The following PAFAH1B2 variants were observed in gnomAD, a reference collection of about 807,000 sequenced individuals.
PAFAH1B2 encodes platelet-activating factor acetylhydrolase IB subunit alpha2.
In PAFAH1B2, 8 loss-of-function variants were observed where a neutral mutation model predicts 28.0. That is an observed-to-expected ratio of 0.29 (90% confidence interval 0.17 to 0.52). PAFAH1B2 has a LOEUF of 0.52. PAFAH1B2 is among the 20% of genes least tolerant of loss of function. PAFAH1B2 has a pLI of 0.97. For synonymous variants in PAFAH1B2, 104 were observed against 103.2 expected (o/e 1.01, Z -0.05); for missense variants, 190 against 282.6 (o/e 0.67, Z 2.35).
downstream of PAFAH1B2, among the ~76,000 whole-genome samples, chr11:117,173,983 C>T (rs1481646260): frequency 6.6e-6 from 1 of 151,934 alleles, no homozygotes; most frequent in Non-Finnish European, 1.5e-5. Context: ...GGTTTTGAAT[C>T]TTTTTTTTCT....
At chr11:117,158,187 A>G (rs1286015465) in intron 2 of PAFAH1B2, among the ~76,000 whole-genome samples, 3 of 152,118 alleles carry the variant, frequency 2.0e-5, no homozygotes, top group Non-Finnish European at 2.9e-5. Flanking sequence ...ATTGATGGGT[A>G]AAATTTGTTT....
chr11:117,162,428 G>A (rs1003392149), intron 4 of PAFAH1B2, among the ~76,000 whole-genome samples: 10 of 148,540 alleles, frequency 6.7e-5, no homozygotes, highest in African/African-American at 2.2e-4. Context: ...ATAGGCTTGA[G>A]CTACCATGCG....
chr11:117,175,516 G>A, downstream of PAFAH1B2: 1 of 1,099,694 alleles, frequency 9.1e-7, no homozygotes, highest in Non-Finnish European at 1.1e-6. Flanking sequence ...TTGCAAAAGG[G>A]AAGGATCCCT....
rs1249922007 is a variant in PAFAH1B2 at position 117,168,297 on chromosome 11, A to G, written c.*598A>G. On this transcript the variant is annotated 3_prime_UTR_variant, in exon 6 of 6. Coordinates refer to ENST00000527958, the MANE Select transcript of PAFAH1B2 (RefSeq NM_002572.4). ...AATCTTTTCCATGCTTAGCAGTGAA[A>G]AACAGGTTTTGCCCCAGTAGAGGGA... The G allele has an allele frequency of 2.8e-6, 3 of 1,063,904 alleles. No individual in the cohort carries two copies. The East Asian group carries it at 1.5e-4, about 53-fold the overall frequency. The allele number at this position is 1,063,904 out of a possible 1,614,324, so 65.9% of individuals were successfully genotyped here. A position where few individuals can be genotyped will look rare whatever the true frequency, so the allele number is the denominator to read the frequency against.
At chr11:117,164,962 T>TC (rs1227901826) in intron 5 of PAFAH1B2, among the ~76,000 whole-genome samples, 29 of 148,844 alleles carry the variant, frequency 1.9e-4, no homozygotes, top group Admixed American at 7.3e-4. Context: ...TTTTTTCTTT[T>TC]TTTTTTTTTT....
In PAFAH1B2 at chr11:117,168,446, G is replaced by GTTTGTTTTTTGTTT; in HGVS notation, c.*750_*751insGTTTTTTGTTTTTT. ...TCCCCTTCATTCCCCCCGCCACCCC[G>GTTTGTTTTTTGTTT]TTTTTTTTTTTTTTTTTTTTTTTTT... On this transcript the variant is annotated 3_prime_UTR_variant, in exon 6 of 6. Coordinates refer to ENST00000527958, the MANE Select transcript of PAFAH1B2 (RefSeq NM_002572.4). 4.3e-6 allele frequency: 1 copy of GTTTGTTTTTTGTTT among 234,820 alleles called. No individual in the cohort carries two copies. The highest frequency in any genetic ancestry group is 5.0e-6 in the Non-Finnish European group (1 of 200,708). The allele number at this position is 234,820 out of a possible 1,614,324, so 14.5% of individuals were successfully genotyped here.
chr11:117,151,737 G>T (rs1407000220), intron 1 of PAFAH1B2, among the ~76,000 whole-genome samples: 2 of 151,828 alleles, frequency 1.3e-5, no homozygotes, highest in Non-Finnish European at 2.9e-5. Context: ...GTCTTGCTCA[G>T]TCGCCCAGGC....
Position 117,161,270 on chromosome 11 carries a change from A to T in PAFAH1B2, c.288+9A>T. 7.0e-7 allele frequency: 1 copy of T among 1,429,810 alleles called. No homozygotes were observed. The highest frequency in any genetic ancestry group is 9.5e-7 in the Non-Finnish European group (1 of 1,047,410). 88.6% of individuals were successfully genotyped at this position (1,429,810 alleles called of 1,614,324 possible). On this transcript the variant is annotated intron_variant, in intron 4 of 5. Transcript: ENST00000527958. ...AGAATATTAAGCCTAAGGTGAAATG[A>T]AAGTTACTTGTCAATGTCATTAATC...
intron 2 of PAFAH1B2, among the ~76,000 whole-genome samples, chr11:117,155,758 C>T (rs949268630): frequency 6.6e-6 from 1 of 152,002 alleles, no homozygotes; most frequent in Non-Finnish European, 1.5e-5. Flanking sequence ...CAAGTCTGTC[C>T]ACAGGAAGAA....
intron 1 of PAFAH1B2, among the ~76,000 whole-genome samples, chr11:117,150,961 C>A (rs1423749541): frequency 2.0e-5 from 3 of 149,538 alleles, no homozygotes; most frequent in African/African-American, 7.4e-5. Flanking sequence ...GCACTCCAGC[C>A]TCGGTGACAG....
At position 117,167,539 on chromosome 11, in the gene PAFAH1B2, G is replaced by C. The variant is rs1399154290; in HGVS notation, c.530G>C (p.Gly177Ala). 6 of 1,613,074 alleles carry C rather than the reference G, an allele frequency of 3.7e-6. No individual in the cohort carries two copies. The highest frequency in any genetic ancestry group is 5.1e-6 in the Non-Finnish European group (6 of 1,179,536). ...AACGTGCAGCTCCTGGATACCGACG[G>C]GGGTTTTGTGCACTCGGACGGTGCC... Reference protein sequence around the residue: ...LANVQLLDTDGGFVHSDGAIS... With the variant: ...LANVQLLDTDAGFVHSDGAIS... The change falls in exon 6 of 6, where the codon GGG becomes GCG. Residue 177 changes from glycine (G) to alanine (A), a missense_variant. Gly to Ala is a moderately conservative substitution (Grantham distance 60). Coordinates refer to ENST00000527958, the MANE Select transcript of PAFAH1B2 (RefSeq NM_002572.4).
Position 117,169,774 on chromosome 11 carries a change from A to G in PAFAH1B2, c.*2075A>G, listed in dbSNP as rs1314563603. ...TTAGCTGAGGTATAGTTGTATAGCA[A>G]GAAGAATTAAGCCAGATTTTTGTGT... On this transcript the variant is annotated 3_prime_UTR_variant, in exon 6 of 6. Coordinates refer to ENST00000527958, the MANE Select transcript of PAFAH1B2 (RefSeq NM_002572.4). 1 of 1,056,708 alleles carries G rather than the reference A, an allele frequency of 9.5e-7. No individual in the cohort carries two copies. The highest frequency in any genetic ancestry group is 1.1e-6 in the Non-Finnish European group (1 of 874,040). 65.5% of individuals were successfully genotyped at this position (1,056,708 alleles called of 1,614,324 possible).
At chr11:117,173,886 T>C (rs1956724486), downstream of PAFAH1B2, among the ~76,000 whole-genome samples, 1 of 152,230 alleles carries the variant, frequency 6.6e-6, no homozygotes, top group Non-Finnish European at 1.5e-5. Context: ...CTGGGACAAT[T>C]CTTTCTAAGC....
downstream of PAFAH1B2, among the ~76,000 whole-genome samples, chr11:117,173,487 C>A (rs4604928): frequency 0.86 from 130,785 of 152,200 alleles, 56,827 homozygotes; most frequent in African/African-American, 0.9. Context: ...GCAGGGATTT[C>A]ACTGTAGAAC....
At chr11:117,175,992 G>A, downstream of PAFAH1B2, 3 of 1,365,672 alleles carry the variant, frequency 2.2e-6, no homozygotes, top group Non-Finnish European at 3.0e-6. Flanking sequence ...TCCAAACTTG[G>A]CAGCTGACTG....
chr11:117,161,157 CT>C lies in PAFAH1B2; in HGVS notation c.190del (p.Ser64ProfsTer6). On this transcript the variant is annotated frameshift_variant, in exon 4 of 6. Coordinates refer to ENST00000527958, the MANE Select transcript of PAFAH1B2 (RefSeq NM_002572.4). LOFTEE classifies it high-confidence loss of function. The part of the protein sequence containing the change: ...LMQQYEIWRE[L>X]FSPLHALNFG... The stretch of plus-strand genomic sequence containing the variant: ...TTTCTTTTTTTAGATATGGCGAGAG[CT>C]TTTTTCCCCACTTCATGCACTGAAT... The C allele has an allele frequency of 6.3e-7, 1 of 1,588,082 alleles. No individual in the cohort carries two copies. The highest frequency in any genetic ancestry group is 1.2e-5 in the South Asian group (1 of 85,630).
At chr11:117,147,010 T>A (rs1186763866) in intron 1 of PAFAH1B2, among the ~76,000 whole-genome samples, 1 of 151,882 alleles carries the variant, frequency 6.6e-6, no homozygotes, top group African/African-American at 2.4e-5. Flanking sequence ...GGCTCACGCC[T>A]GTAATCCCAG....
chr11:117,164,108 T>G (rs1198672262), intron 5 of PAFAH1B2: 3 of 447,170 alleles, frequency 6.7e-6, no homozygotes, highest in African/African-American at 4.0e-5. Context: ...CATCCTTGTT[T>G]AGAAGTATGG....
intron 3 of PAFAH1B2, among the ~76,000 whole-genome samples, chr11:117,160,325 A>T (rs975991460): frequency 2.0e-5 from 3 of 152,120 alleles, no homozygotes; most frequent in Non-Finnish European, 4.4e-5. Context: ...TTTGTATCTT[A>T]GTATTTCCTA....
Sources: allele counts gnomAD v4.1 joint callset (sites outside exome capture counted in the v4.1 genomes callset), GRCh38; gene constraint gnomAD v4.1.1; transcripts MANE v1.5; gene names NCBI Gene and HGNC (gene_info 2026-07-23, HGNC 2026-07-21).